THNSL2: variants seen among roughly 807,000 people sequenced by gnomAD.
THNSL2 encodes the protein threonine synthase-like 2.
In THNSL2, 34 loss-of-function variants were observed where a neutral mutation model predicts 40.0. The observed-to-expected ratio is 0.85, with a 90% confidence interval of 0.65 to 1.13. The LOEUF (loss-of-function observed/expected upper bound fraction) is 1.13, where lower values mean the gene tolerates loss of function less well. Among genes scored for constraint, THNSL2 ranks in the 50% most tolerant of loss-of-function variants. The probability of loss-of-function intolerance (pLI) is 0.00; values close to 1 mark genes in which losing one functional copy is unlikely to be tolerated. For missense variants in THNSL2, 537 were observed against 608.8 expected (o/e 0.88, Z 1.24); for synonymous variants, 241 against 247.5 (o/e 0.97, Z 0.25).
Position 88,179,311 on chromosome 2 carries a change from G to A in THNSL2, c.802+298G>A, listed in dbSNP as rs968730658. On this transcript the variant is annotated intron_variant, in intron 5 of 8. Transcript: ENST00000674334. ...GGAGAGGCAAGGTCAAGGGTCAGCC[G>A]CTATGGCTGGCTGGCAGTGCCCTCA... Among the ~76,000 whole-genome samples, 7 of 152,216 alleles carry A rather than the reference G, an allele frequency of 4.6e-5. No individual in the cohort carries two copies. In the East Asian group the frequency reaches 5.8e-4, roughly 13 times the overall value.
At chr2:88,177,149 G>C (rs1365660722) in intron 4 of THNSL2, 1 of 152,202 alleles carries the variant, frequency 6.6e-6, no homozygotes, top group East Asian at 1.9e-4. Flanking sequence ...GGACCTGAAG[G>C]GGGTGTTTCT....
intron 4 of THNSL2, among the ~76,000 whole-genome samples, chr2:88,178,030 T>C (rs1485292479): frequency 6.6e-6 from 1 of 152,206 alleles, no homozygotes. Context: ...CCCAGTAAAT[T>C]TCACCCCTCT....
chr2:88,173,415 C>T (rs1369810004), intron 2 of THNSL2, 42 bp downstream of exon 2: 13 of 1,475,158 alleles, frequency 8.8e-6, no homozygotes, highest in Non-Finnish European at 1.2e-5. Context: ...CAGCCCCTGC[C>T]AGCTCAGTCT....
chr2:88,186,501 A>C lies in THNSL2; in HGVS notation c.*378A>C. 1 of 235,168 alleles carries C rather than the reference A, an allele frequency of 4.3e-6. No individual in the cohort carries two copies. Among genetic ancestry groups the C allele is most frequent in the Non-Finnish European group, 8.6e-6 (1 of 116,626 alleles). 14.6% of individuals were successfully genotyped at this position (235,168 alleles called of 1,614,324 possible). The stretch of plus-strand genomic sequence containing the variant: ...CTCACCACCTTCACGCAGGCTTTGT[A>C]TGTTCTCTGAGCCTTAGTTGATTTT... On this transcript the variant is annotated 3_prime_UTR_variant, in exon 9 of 9. Transcript: ENST00000674334.
At chr2:88,182,526 G>A in intron 5 of THNSL2, 173 bp from the exon 6 acceptor site, 3 of 597,244 alleles carry the variant, frequency 5.0e-6, no homozygotes, top group Non-Finnish European at 8.1e-6. Flanking sequence ...TATATGAATT[G>A]CATTTTTCCC....
intron 5 of THNSL2, chr2:88,182,456 A>G (rs1370987352): frequency 5.7e-6 from 2 of 349,148 alleles, no homozygotes; most frequent in African/African-American, 2.1e-5. Context: ...GGTTATTTGT[A>G]TTTTTATTAT....
Position 88,185,979 on chromosome 2 carries a change from T to A in THNSL2, c.1311T>A (p.Thr437=). ...TGGCTGCTGGCCTGACCCCTGAGAC[T>A]CCCGCGGAGATCGTAGCCCTGGAGC... ...AVLAAGLTPE[T]PAEIVALEHK... The change falls in exon 9 of 9, where the codon ACT becomes ACA. Residue 437 remains threonine (T), a synonymous_variant. Coordinates refer to ENST00000674334, the MANE Select transcript of THNSL2 (RefSeq NM_018271.5). The A allele has an allele frequency of 6.2e-7, 1 of 1,612,812 alleles. No homozygotes were observed. The highest frequency in any genetic ancestry group is 8.5e-7 in the Non-Finnish European group (1 of 1,179,692).
At chr2:88,172,100 A>G (rs1381134681) in intron 1 of THNSL2, 1 of 152,300 alleles carries the variant, frequency 6.6e-6, no homozygotes, top group Non-Finnish European at 1.5e-5. Context: ...CAGAAAGTCC[A>G]AGCTAATACT....
At chr2:88,172,358 ATATCAGCACTTAT>A (rs1156886087) in intron 1 of THNSL2, 3 of 152,270 alleles carry the variant, frequency 2.0e-5, no homozygotes, top group African/African-American at 4.8e-5. Context: ...TAAAGACTGC[ATATCAGCACTTAT>A]AACGGTCCTA....
chr2:88,171,469 C>T (rs571489867), intron 1 of THNSL2: 1 of 386,514 alleles, frequency 2.6e-6, no homozygotes, highest in African/African-American at 2.1e-5. Flanking sequence ...TATTTTCTTT[C>T]GCTGTACCTT....
chr2:88,179,049 A>G, intron 5 of THNSL2, 36 bp downstream of exon 5: 1 of 1,604,932 alleles, frequency 6.2e-7, no homozygotes, highest in Middle Eastern at 1.7e-4. Flanking sequence ...GGCTTTCCAG[A>G]AAAATGCCTG....
Position 88,175,257 on chromosome 2 carries a change from G to A in THNSL2, c.427G>A (p.Gly143Arg). ...CCTTTCTTCCCATCCAGGAACATCT[G>A]GGGACACAGGAAGTGCTGCCATTGA... Reference protein sequence around the residue: ...KHVTVVVGTSGDTGSAAIESV... With the variant: ...KHVTVVVGTSRDTGSAAIESV... The change falls in exon 4 of 9, where the codon GGG becomes AGG. Residue 143 changes from glycine (G) to arginine (R), a missense_variant. Coordinates refer to ENST00000674334, the MANE Select transcript of THNSL2 (RefSeq NM_018271.5). The A allele has an allele frequency of 1.9e-6, 3 of 1,613,992 alleles. No homozygotes were observed. Among genetic ancestry groups the A allele is most frequent in the Non-Finnish European group, 2.5e-6 (3 of 1,179,934 alleles).
intron 1 of THNSL2, chr2:88,171,122 G>A: frequency 2.6e-6 from 1 of 380,912 alleles, no homozygotes; most frequent in South Asian, 1.9e-5. Context: ...TCATAGAGCA[G>A]CCCAACAACA....
Position 88,186,197 on chromosome 2 carries a change from C to A in THNSL2, c.*74C>A. The A allele has an allele frequency of 2.1e-6, 3 of 1,421,848 alleles. No individual in the cohort carries two copies. The highest frequency in any genetic ancestry group is 2.5e-5 in the South Asian group (2 of 79,366). 88.1% of individuals were successfully genotyped at this position (1,421,848 alleles called of 1,614,324 possible). On this transcript the variant is annotated 3_prime_UTR_variant, in exon 9 of 9. Coordinates refer to ENST00000674334, the MANE Select transcript of THNSL2 (RefSeq NM_018271.5). The stretch of plus-strand genomic sequence containing the variant: ...CCTTCTGAGCTGCCTTGTGCACCCT[C>A]CCCATTAAGCGTAGGTTAGGAGGTT...
intron 7 of THNSL2, 73 bp downstream of exon 7, chr2:88,183,146 T>C: frequency 6.4e-7 from 1 of 1,563,640 alleles, no homozygotes; most frequent in Non-Finnish European, 8.7e-7. Context: ...TTTGGAAGTC[T>C]GGTCAAGGGA....
At chr2:88,180,081 C>G (rs1677366296) in intron 5 of THNSL2, among the ~76,000 whole-genome samples, 1 of 152,230 alleles carries the variant, frequency 6.6e-6, no homozygotes, top group African/African-American at 2.4e-5. Context: ...GGGATAAAGC[C>G]TACCATGCTC....
intron 4 of THNSL2, chr2:88,176,231 A>G (rs1676925901): frequency 6.6e-6 from 1 of 152,262 alleles, no homozygotes; most frequent in African/African-American, 2.4e-5. Flanking sequence ...ACCATTGGTT[A>G]TACTGCTACC....
Position 88,175,381 on chromosome 2 carries a change from A to G in THNSL2, c.551A>G (p.Gln184Arg). ...CTCCAGATGACAACGGTGCTGAAGC[A>G]GAACGTACATGTGTTTGGAGGTGTG... Reference protein sequence around the residue: ...QELQMTTVLKQNVHVFGVEGN... With the variant: ...QELQMTTVLKRNVHVFGVEGN... Residue 184 changes from glutamine (Q) to arginine (R), a missense_variant, in exon 4 of 9, where the codon CAG becomes CGG. Coordinates refer to ENST00000674334, the MANE Select transcript of THNSL2 (RefSeq NM_018271.5). The G allele has an allele frequency of 6.2e-7, 1 of 1,614,222 alleles. No homozygotes were observed. The highest frequency in any genetic ancestry group is 1.3e-5 in the African/African-American group (1 of 75,074).
chr2:88,181,828 T>C (rs542425852), intron 5 of THNSL2, among the ~76,000 whole-genome samples: 1 of 152,256 alleles, frequency 6.6e-6, no homozygotes, highest in East Asian at 1.9e-4. Flanking sequence ...ATTTTGTCTC[T>C]ATATATAGAT....
Sources: allele counts gnomAD v4.1 joint callset (sites outside exome capture counted in the v4.1 genomes callset), GRCh38; gene constraint gnomAD v4.1.1; transcripts MANE v1.5; gene names NCBI Gene and HGNC (gene_info 2026-07-23, HGNC 2026-07-21).